ANKS1B: variants seen among roughly 807,000 people sequenced by gnomAD.
ANKS1B encodes the protein ankyrin repeat and sterile alpha motif domain-containing protein 1B.
ANKS1B carries 36 observed loss-of-function variants against 148.3 expected under a neutral mutation model. The ratio of observed to expected loss-of-function variants is 0.24; its 90% confidence interval spans 0.19 to 0.32. The LOEUF is 0.32. Among genes scored for constraint, ANKS1B ranks in the 10% least tolerant of loss-of-function variants. ANKS1B has a pLI of 1.00. For synonymous variants in ANKS1B, 542 were observed against 560.8 expected, an observed-to-expected ratio of 0.97 and a Z score of 0.47; for missense variants, 1,157 against 1,542.6, an observed-to-expected ratio of 0.75 and a Z score of 4.19.
chr12:99,538,580 A>T (rs560212685), intron 9 of ANKS1B, among the ~76,000 whole-genome samples: 1 of 152,084 alleles, frequency 6.6e-6, no homozygotes, highest in African/African-American at 2.4e-5. Context: ...AATGCTACTG[A>T]TTTTTGTATG....
At chr12:99,125,140 C>T (rs1176865843) in intron 15 of ANKS1B, among the ~76,000 whole-genome samples, 1 of 152,016 alleles carries the variant, frequency 6.6e-6, no homozygotes, top group East Asian at 1.9e-4. Flanking sequence ...GGATAATCGA[C>T]AGAGAGGGGA....
chr12:99,845,121 A>T (rs547739450), intron 1 of ANKS1B, among the ~76,000 whole-genome samples: 2 of 152,270 alleles, frequency 1.3e-5, no homozygotes, highest in East Asian at 3.9e-4. Flanking sequence ...TCAGCTTAAG[A>T]AGCTTTTGGG....
At chr12:99,763,671 A>T (rs1297777201) in intron 8 of ANKS1B, among the ~76,000 whole-genome samples, 1 of 152,194 alleles carries the variant, frequency 6.6e-6, no homozygotes, top group Non-Finnish European at 1.5e-5. Flanking sequence ...AGCTGGAAAA[A>T]AAAAAACAAA....
At chr12:99,761,863 C>A (rs1434839324) in intron 8 of ANKS1B, among the ~76,000 whole-genome samples, 1 of 152,002 alleles carries the variant, frequency 6.6e-6, no homozygotes, top group East Asian at 1.9e-4. Flanking sequence ...AACATAAAAT[C>A]TATATATGAA....
At chr12:99,899,798 A>G (rs1219687136) in intron 1 of ANKS1B, among the ~76,000 whole-genome samples, 1 of 152,204 alleles carries the variant, frequency 6.6e-6, no homozygotes, top group African/African-American at 2.4e-5. Context: ...GTTATTTATA[A>G]TCTACCCTCA....
At chr12:99,248,102 A>G (rs1487933324) in intron 12 of ANKS1B, among the ~76,000 whole-genome samples, 4 of 152,172 alleles carry the variant, frequency 2.6e-5, no homozygotes, top group Admixed American at 6.5e-5. Flanking sequence ...GTGATTATTA[A>G]TAATAATTAT....
At chr12:99,099,648 A>T (rs1198792266) in intron 15 of ANKS1B, 3 of 152,226 alleles carry the variant, frequency 2.0e-5, no homozygotes, top group Non-Finnish European at 4.4e-5. Context: ...TTGGATAAAA[A>T]CACAAAATAT....
chr12:99,859,141 G>T (rs1276209591), intron 1 of ANKS1B, among the ~76,000 whole-genome samples: 1 of 152,206 alleles, frequency 6.6e-6, no homozygotes, highest in Non-Finnish European at 1.5e-5. Context: ...AGATAATATT[G>T]ACACATGGAG....
intron 9 of ANKS1B, among the ~76,000 whole-genome samples, chr12:99,576,002 C>A (rs998440255): frequency 6.6e-6 from 1 of 151,902 alleles, no homozygotes; most frequent in African/African-American, 2.4e-5. Context: ...TGTTAAGAGA[C>A]CCATCTCACA....
chr12:98,949,005 T>G (rs1290806776), intron 17 of ANKS1B, among the ~76,000 whole-genome samples: 1 of 134,926 alleles, frequency 7.4e-6, no homozygotes, highest in Non-Finnish European at 1.5e-5. Context: ...CAGGCTGGAG[T>G]GCAGTGGCGT....
intron 15 of ANKS1B, among the ~76,000 whole-genome samples, chr12:99,118,980 C>T (rs1319645698): frequency 2.0e-5 from 3 of 152,134 alleles, no homozygotes; most frequent in Non-Finnish European, 4.4e-5. Context: ...TTACTTCACA[C>T]CAGCACTCAG....
At chr12:98,888,590 G>A (rs1018809936) in intron 17 of ANKS1B, among the ~76,000 whole-genome samples, 1 of 152,204 alleles carries the variant, frequency 6.6e-6, no homozygotes, top group Non-Finnish European at 1.5e-5. Flanking sequence ...ATTCAGTCAC[G>A]CTGGACTGCT....
At chr12:98,979,021 A>G (rs905705972) in intron 17 of ANKS1B, among the ~76,000 whole-genome samples, 1 of 151,698 alleles carries the variant, frequency 6.6e-6, no homozygotes, top group Non-Finnish European at 1.5e-5. Flanking sequence ...GGGCGCCTGT[A>G]GTCCCAGCTA....
intron 4 of ANKS1B, among the ~76,000 whole-genome samples, chr12:99,784,904 C>G (rs2064834929): frequency 6.6e-6 from 1 of 152,194 alleles, no homozygotes; most frequent in Non-Finnish European, 1.5e-5. Flanking sequence ...CACTCATATA[C>G]CACATTATAA....
intron 17 of ANKS1B, among the ~76,000 whole-genome samples, chr12:99,047,125 T>C (rs1188671472): frequency 6.6e-6 from 1 of 152,138 alleles, no homozygotes; most frequent in Non-Finnish European, 1.5e-5. Flanking sequence ...TGAGGCCAGA[T>C]ATGGTGGCTT....
intron 1 of ANKS1B, among the ~76,000 whole-genome samples, chr12:99,896,745 C>T (rs971347118): frequency 2.0e-5 from 3 of 151,090 alleles, no homozygotes; most frequent in Admixed American, 1.3e-4. Flanking sequence ...GCCTTAAGAT[C>T]CAAACAAGCA....
chr12:99,225,520 G>GAGTC (rs2085780245), intron 14 of ANKS1B, among the ~76,000 whole-genome samples: 1 of 152,172 alleles, frequency 6.6e-6, no homozygotes, highest in Non-Finnish European at 1.5e-5. Context: ...AGTAACATTT[G>GAGTC]AGTCAGTGGA....
chr12:99,406,793 C>T (rs2094541957), intron 11 of ANKS1B, among the ~76,000 whole-genome samples: 1 of 145,046 alleles, frequency 6.9e-6, no homozygotes, highest in South Asian at 2.1e-4. Flanking sequence ...GAGAGATAAG[C>T]CTCAAGTAAA....
chr12:99,231,033 C>A (rs538503565), intron 14 of ANKS1B, among the ~76,000 whole-genome samples: 2 of 152,198 alleles, frequency 1.3e-5, no homozygotes, highest in South Asian at 2.1e-4. Context: ...TTCAGAGAAG[C>A]TTTTATGTGA....
Sources: allele counts gnomAD v4.1 joint callset (sites outside exome capture counted in the v4.1 genomes callset), GRCh38; gene constraint gnomAD v4.1.1; transcripts MANE v1.5; gene names NCBI Gene and HGNC (gene_info 2026-07-23, HGNC 2026-07-21).